Variants in NTRK3 observed in about 807,000 individuals in gnomAD.
The protein encoded by NTRK3 is neurotrophic receptor tyrosine kinase 3, also known as NT-3 growth factor receptor.
NTRK3 carries 24 observed loss-of-function variants against 91.7 expected under a neutral mutation model. The ratio of observed to expected loss-of-function variants is 0.26; its 90% CI spans 0.19 to 0.37. NTRK3 has a LOEUF of 0.37. Ranked by LOEUF, NTRK3 falls within the 10% of genes least tolerant of loss-of-function variation. NTRK3 has a pLI of 1.00. For synonymous variants in NTRK3, 483 were observed against 404.0 expected (o/e 1.20, Z -2.34); for missense variants, 880 against 1,068.9 (o/e 0.82, Z 2.46).
intron 14 of NTRK3, among the ~76,000 whole-genome samples, chr15:88,020,842 C>G (rs1261921337): frequency 6.6e-6 from 1 of 152,220 alleles, no homozygotes; most frequent in African/African-American, 2.4e-5. Context: ...CTCTCAGCCG[C>G]TAGACCCTGC....
At chr15:88,204,494 C>T (rs1462470212) in intron 3 of NTRK3, among the ~76,000 whole-genome samples, 1 of 152,176 alleles carries the variant, frequency 6.6e-6, no homozygotes, top group Non-Finnish European at 1.5e-5. Flanking sequence ...ATGCTGCTCA[C>T]TCTACAAACT....
chr15:88,136,663 G>A, intron 7 of NTRK3, 54 bp from the exon 8 acceptor site: 1 of 1,585,186 alleles, frequency 6.3e-7, no homozygotes, highest in Admixed American at 1.8e-5. Context: ...CTACCCAAAG[G>A]AAGCTCTGTC....
chr15:88,082,855 T>C (rs2048178803), intron 13 of NTRK3, among the ~76,000 whole-genome samples: 1 of 152,196 alleles, frequency 6.6e-6, no homozygotes, highest in Admixed American at 6.5e-5. Flanking sequence ...TTATCTCTTT[T>C]ACACAGGGGC....
intron 12 of NTRK3, 134 bp downstream of exon 12, chr15:88,127,027 GA>G: frequency 1.3e-6 from 1 of 798,462 alleles, no homozygotes; most frequent in Non-Finnish European, 2.2e-6. Context: ...TAAACTGCCT[GA>G]ACGTAGTTCA....
intron 5 of NTRK3, among the ~76,000 whole-genome samples, chr15:88,149,053 T>C (rs1243943637): frequency 6.6e-6 from 1 of 152,180 alleles, no homozygotes; most frequent in Non-Finnish European, 1.5e-5. Flanking sequence ...TCCAAAGAGA[T>C]AAGTCAAATT....
At chr15:88,169,559 C>T (rs758194817) in intron 5 of NTRK3, among the ~76,000 whole-genome samples, 23 of 152,270 alleles carry the variant, frequency 1.5e-4, no homozygotes, top group South Asian at 4.1e-4. Flanking sequence ...ACTCTGCTGC[C>T]TCAGTGAGAG....
chr15:87,956,316 C>T (rs2071650883), intron 14 of NTRK3, among the ~76,000 whole-genome samples: 1 of 152,132 alleles, frequency 6.6e-6, no homozygotes, highest in South Asian at 2.1e-4. Context: ...ACTCTGTCAC[C>T]CAGGCTGGAA....
rs780788406 is a variant in NTRK3, at chr15:87,977,590, C to A, written c.1586-36837G>T. ...CCTTAAAGCCACACTTGGGAGGAGGCCCTGGACCCAAAGCATCAGCAGGGC... is the reference window on the plus strand; with the variant it reads ...CCTTAAAGCCACACTTGGGAGGAGGACCTGGACCCAAAGCATCAGCAGGGC... On this transcript the variant is annotated intron_variant, in intron 14 of 18. Coordinates refer to ENST00000394480, the Ensembl canonical transcript of NTRK3. 3 of 231,276 alleles carry A rather than the reference C, an allele frequency of 1.3e-5. No homozygotes were observed. The Admixed American group carries it at 1.7e-4, about 13-fold the overall frequency. 14.3% of individuals were successfully genotyped at this position (231,276 alleles called of 1,614,324 possible).
intron 13 of NTRK3, among the ~76,000 whole-genome samples, chr15:88,073,133 G>A (rs985490942): frequency 2.0e-5 from 3 of 152,158 alleles, no homozygotes; most frequent in Non-Finnish European, 4.4e-5. Context: ...CTCAAAGCCT[G>A]GTTCTCAGAC....
At chr15:88,107,795 C>G (rs1368900249) in intron 13 of NTRK3, among the ~76,000 whole-genome samples, 1 of 152,056 alleles carries the variant, frequency 6.6e-6, no homozygotes, top group African/African-American at 2.4e-5. Flanking sequence ...CTGAACCCAC[C>G]AAATAGAATG....
intron 10 of NTRK3, among the ~76,000 whole-genome samples, chr15:88,131,120 G>A (rs781045050): frequency 6.6e-6 from 1 of 152,206 alleles, no homozygotes; most frequent in Non-Finnish European, 1.5e-5. Flanking sequence ...TAGACCTGGG[G>A]TGGGTATCAA....
intron 13 of NTRK3, among the ~76,000 whole-genome samples, chr15:88,122,392 C>T (rs911522810): frequency 6.6e-6 from 1 of 152,092 alleles, no homozygotes; most frequent in African/African-American, 2.4e-5. Flanking sequence ...GACAGAGACA[C>T]ACAGAGACAG....
chr15:87,908,410 C>A (rs1404877293), intron 17 of NTRK3: 3 of 398,778 alleles, frequency 7.5e-6, no homozygotes, highest in African/African-American at 6.2e-5. Flanking sequence ...AAGTGCCTCT[C>A]CAAAGCCTGC....
At chr15:87,925,280 T>G (rs2068196800) in intron 17 of NTRK3, among the ~76,000 whole-genome samples, 1 of 152,232 alleles carries the variant, frequency 6.6e-6, no homozygotes, top group African/African-American at 2.4e-5. Context: ...CCTTTGTAAA[T>G]CGTCTGTATA....
At chr15:87,908,510 T>A in intron 17 of NTRK3, 1 of 399,642 alleles carries the variant, frequency 2.5e-6, no homozygotes, top group Non-Finnish European at 4.4e-6. Context: ...CCGTTGCTGC[T>A]AGCCTCTGCC....
At chr15:87,921,883 A>C (rs1168795911) in intron 17 of NTRK3, among the ~76,000 whole-genome samples, 1 of 137,782 alleles carries the variant, frequency 7.3e-6, no homozygotes, top group Non-Finnish European at 1.6e-5. Context: ...CTTGGTATTA[A>C]AAAAAAAAAA....
At chr15:88,082,506 A>G (rs770332456) in intron 13 of NTRK3, among the ~76,000 whole-genome samples, 1 of 152,160 alleles carries the variant, frequency 6.6e-6, no homozygotes, top group Non-Finnish European at 1.5e-5. Flanking sequence ...AAGTTCTCTC[A>G]TGCTCTCACC....
chr15:88,158,385 G>A (rs962279465), intron 5 of NTRK3, among the ~76,000 whole-genome samples: 3 of 152,188 alleles, frequency 2.0e-5, no homozygotes, highest in Admixed American at 6.5e-5. Flanking sequence ...TAACAAGACA[G>A]CAGGCAGCAC....
chr15:88,096,063 G>C (rs1014249333), intron 13 of NTRK3, among the ~76,000 whole-genome samples: 2 of 152,054 alleles, frequency 1.3e-5, no homozygotes, highest in Non-Finnish European at 2.9e-5. Flanking sequence ...AATAATTTTA[G>C]GTGGTGACCT....
Sources: allele counts gnomAD v4.1 joint callset (sites outside exome capture counted in the v4.1 genomes callset), GRCh38; gene constraint gnomAD v4.1.1; transcripts MANE v1.5; gene names NCBI Gene and HGNC (gene_info 2026-07-23, HGNC 2026-07-21).